SPIRE1: variants seen among roughly 807,000 people sequenced by gnomAD.
SPIRE1 encodes spire type actin nucleation factor 1, also known as protein spire homolog 1.
SPIRE1 carries 40 observed loss-of-function variants against 94.1 expected under a neutral mutation model. The ratio of observed to expected loss-of-function variants is 0.43; its 90% CI spans 0.33 to 0.55. The LOEUF (loss-of-function observed/expected upper bound fraction) is 0.55. Among genes scored for constraint, SPIRE1 ranks in the 20% least tolerant of loss-of-function variants. The probability of loss-of-function intolerance (pLI) is 0.06; values close to 1 mark genes in which losing one functional copy is unlikely to be tolerated. For missense variants in SPIRE1, 838 were observed against 975.2 expected, an observed-to-expected ratio of 0.86 and a Z score of 1.87; for synonymous variants, 376 against 371.7, an observed-to-expected ratio of 1.01 and a Z score of -0.13.
intron 2 of SPIRE1, among the ~76,000 whole-genome samples, chr18:12,549,231 G>A (rs184488888): frequency 3.6e-4 from 55 of 152,130 alleles, no homozygotes; most frequent in African/African-American, 7.7e-4. Context: ...CTATCAGAGC[G>A]TCCCTACTAA....
intron 2 of SPIRE1, among the ~76,000 whole-genome samples, chr18:12,627,026 A>G (rs1337285808): frequency 1.3e-5 from 2 of 151,810 alleles, no homozygotes; most frequent in East Asian, 3.9e-4. Context: ...TTCAAACTAA[A>G]TATTCTTTTG....
At chr18:12,453,691 C>T (rs922544221) in intron 13 of SPIRE1, among the ~76,000 whole-genome samples, 1 of 152,158 alleles carries the variant, frequency 6.6e-6, no homozygotes, top group African/African-American at 2.4e-5. Context: ...GCCTAGGCCG[C>T]CCAAAGTGCT....
intron 2 of SPIRE1, among the ~76,000 whole-genome samples, chr18:12,616,972 G>A (rs945247831): frequency 4.7e-5 from 7 of 150,132 alleles, no homozygotes; most frequent in South Asian, 2.1e-4. Context: ...CGATTCCCCT[G>A]CCTCAGCCTC....
chr18:12,615,345 AATATATAT>A (rs71174107), intron 2 of SPIRE1, among the ~76,000 whole-genome samples: 3 of 17,240 alleles, frequency 1.7e-4, no homozygotes, highest in African/African-American at 3.5e-4. Context: ...AAAAAAAAAA[AATATATAT>A]ATATATATAT....
At chr18:12,511,368 C>T (rs1039138546) in intron 5 of SPIRE1, among the ~76,000 whole-genome samples, 1 of 152,124 alleles carries the variant, frequency 6.6e-6, no homozygotes, top group East Asian at 1.9e-4. Context: ...AGCACAAACC[C>T]TACTGTGAAC....
chr18:12,514,100 A>T (rs1469406444), intron 4 of SPIRE1, among the ~76,000 whole-genome samples: 1 of 152,156 alleles, frequency 6.6e-6, no homozygotes, highest in East Asian at 1.9e-4. Flanking sequence ...TCAGCCTCCC[A>T]AACGGCTGGG....
intron 2 of SPIRE1, among the ~76,000 whole-genome samples, chr18:12,615,349 T>TATATATAA (rs2037269941): frequency 6.5e-5 from 1 of 15,312 alleles, no homozygotes; most frequent in African/African-American, 1.8e-4. Context: ...AAAAAAAATA[T>TATATATAA]ATATATATAT....
chr18:12,637,251 C>T (rs538358998), intron 1 of SPIRE1, among the ~76,000 whole-genome samples: 10 of 150,680 alleles, frequency 6.6e-5, no homozygotes, highest in Non-Finnish European at 1.0e-4. Context: ...CCCAGCTACT[C>T]GGGAGGCTGA....
At chr18:12,568,969 T>G (rs985339392) in intron 2 of SPIRE1, among the ~76,000 whole-genome samples, 1 of 152,122 alleles carries the variant, frequency 6.6e-6, no homozygotes, top group Non-Finnish European at 1.5e-5. Flanking sequence ...TGGTTAAACA[T>G]CCCAAATCTA....
chr18:12,650,307 C>A (rs562315494), intron 1 of SPIRE1, among the ~76,000 whole-genome samples: 18 of 152,208 alleles, frequency 1.2e-4, no homozygotes, highest in Admixed American at 1.1e-3. Context: ...GCCTGCAATT[C>A]CAGCACTTTG....
At chr18:12,512,635 A>G (rs2034072123) in intron 4 of SPIRE1, 104 bp from the exon 5 acceptor site, 3 of 711,906 alleles carry the variant, frequency 4.2e-6, no homozygotes, top group Non-Finnish European at 2.4e-6. Context: ...AGTACCAGTG[A>G]AGGAGATGGT....
At chr18:12,615,542 C>CAAAAAAAAAAAAA (rs71174108) in intron 2 of SPIRE1, among the ~76,000 whole-genome samples, 1 of 75,790 alleles carries the variant, frequency 1.3e-5, no homozygotes, top group Non-Finnish European at 2.7e-5. Context: ...TCTATCTCCA[C>CAAAAAAAAAAAAA]AAAAAAAAAA....
At chr18:12,653,213 C>T (rs771646143) in intron 1 of SPIRE1, 5 of 152,198 alleles carry the variant, frequency 3.3e-5, no homozygotes, top group African/African-American at 4.8e-5. Flanking sequence ...ACAGCCACCA[C>T]AACAAAGTAT....
At chr18:12,635,185 TTTA>T in intron 1 of SPIRE1, 89 bp from the exon 2 acceptor site, 2 of 695,028 alleles carry the variant, frequency 2.9e-6, no homozygotes, top group South Asian at 3.3e-5. Context: ...TGGCTATGGC[TTTA>T]TTATGTCTAT....
chr18:12,509,493 T>G (rs1482655549), intron 5 of SPIRE1, among the ~76,000 whole-genome samples: 1 of 152,208 alleles, frequency 6.6e-6, no homozygotes, highest in African/African-American at 2.4e-5. Context: ...CAAGTATTCT[T>G]CATAAAGGAA....
intron 6 of SPIRE1, among the ~76,000 whole-genome samples, chr18:12,496,630 G>A (rs909754836): frequency 2.0e-5 from 3 of 152,196 alleles, no homozygotes; most frequent in Non-Finnish European, 4.4e-5. Flanking sequence ...AGCACTTCGG[G>A]AGGCCGAGAC....
At chr18:12,603,381 T>C (rs2036889416) in intron 2 of SPIRE1, among the ~76,000 whole-genome samples, 1 of 152,154 alleles carries the variant, frequency 6.6e-6, no homozygotes, top group Non-Finnish European at 1.5e-5. Context: ...ATACAACTCC[T>C]AGAATCCTTG....
upstream of SPIRE1, among the ~76,000 whole-genome samples, chr18:12,660,122 A>G (rs1394281414): frequency 6.6e-6 from 1 of 152,192 alleles, no homozygotes; most frequent in Non-Finnish European, 1.5e-5. Context: ...CTTACCCACC[A>G]GTAAACAAGA....
At chr18:12,492,127 G>A (rs1477484168) in intron 8 of SPIRE1, among the ~76,000 whole-genome samples, 2 of 152,168 alleles carry the variant, frequency 1.3e-5, no homozygotes, top group South Asian at 2.1e-4. Flanking sequence ...TGAGCTGGAA[G>A]GTAGTCAGAA....
Sources: gnomAD v4.1 joint callset for allele counts (sites outside exome capture counted in the v4.1 genomes callset) on GRCh38, gnomAD v4.1.1 for gene constraint, MANE v1.5 for transcripts, NCBI Gene and HGNC (gene_info 2026-07-23, HGNC 2026-07-21) for gene names.